The following ARL6IP6 variants were observed in gnomAD, a reference collection of about 807,000 sequenced individuals.
ARL6IP6 encodes the protein ADP-ribosylation factor-like protein 6-interacting protein 6.
A neutral mutation model predicts 21.5 loss-of-function variants in ARL6IP6; 22 were observed. The observed-to-expected ratio is 1.02, with a 90% confidence interval of 0.73 to 1.46. ARL6IP6 has a LOEUF of 1.46. Ranked by LOEUF, ARL6IP6 falls within the 40% of genes most tolerant of loss-of-function variation. The probability of loss-of-function intolerance (pLI) is 0.00; values close to 1 mark genes in which losing one functional copy is unlikely to be tolerated. For synonymous variants in ARL6IP6, 164 were observed against 125.3 expected, an observed-to-expected ratio of 1.31 and a Z score of -2.06; for missense variants, 388 against 299.8, an observed-to-expected ratio of 1.29 and a Z score of -2.17.
At position 152,718,874 on chromosome 2, in the gene ARL6IP6, C is replaced by T. The variant is rs772311392; in HGVS notation, c.250C>T (p.Pro84Ser). The stretch of plus-strand genomic sequence containing the variant: ...GGACGGGAACGGGTCGCCCGTTCTG[C>T]CCGATAAGCGCAATGGTATCTTTCC... ...PPDGNGSPVLPDKRNGIFPAA... is the reference protein window; with the variant it reads ...PPDGNGSPVLSDKRNGIFPAA... The change falls in exon 1 of 4, where the codon CCC becomes TCC. Residue 84 changes from proline (P) to serine (S), a missense_variant. Physicochemically the swap from Pro to Ser is moderately conservative, Grantham distance 74. Transcript: ENST00000326446. 5.6e-6 allele frequency: 9 copies of T among 1,613,614 alleles called. No individual in the cohort carries two copies. Among genetic ancestry groups the T allele is most frequent in the African/African-American group, 5.3e-5 (4 of 74,932 alleles).
Position 152,735,101 on chromosome 2 carries a change from A to C in ARL6IP6, c.562A>C (p.Thr188Pro), listed in dbSNP as rs1700492847. ...TTTTGAACCAGGAATGTTTCCTCCT[A>C]CTCCTCTTTCACCTGCCAGGTTCAA... ...DSFEPGMFPPTPLSPARFKKL... is the reference protein window; with the variant it reads ...DSFEPGMFPPPPLSPARFKKL... The change falls in exon 3 of 4, where the codon ACT (threonine) becomes CCT (proline). Residue 188 changes from threonine (T) to proline (P), a missense_variant. Thr to Pro is a conservative substitution (Grantham distance 38, BLOSUM62 -1). Coordinates refer to ENST00000326446, the MANE Select transcript of ARL6IP6 (RefSeq NM_152522.7). The C allele has an allele frequency of 1.2e-6, 2 of 1,613,248 alleles. No homozygotes were observed. Among genetic ancestry groups the C allele is most frequent in the Non-Finnish European group, 1.7e-6 (2 of 1,179,618 alleles).
upstream of ARL6IP6, chr2:152,718,524 G>C: frequency 2.0e-6 from 3 of 1,470,336 alleles, no homozygotes. Context: ...GGGCTCTGAG[G>C]CCTGGTGGTA....
At chr2:152,744,004 T>C (rs929077025) in intron 3 of ARL6IP6, among the ~76,000 whole-genome samples, 3 of 152,176 alleles carry the variant, frequency 2.0e-5, no homozygotes, top group Non-Finnish European at 4.4e-5. Flanking sequence ...AGAGATTTCT[T>C]ATCCTGAATC....
chr2:152,718,408 A>G (rs1050046369), upstream of ARL6IP6: 27 of 551,046 alleles, frequency 4.9e-5, no homozygotes, highest in African/African-American at 1.8e-4. Flanking sequence ...CTTTCCGGCT[A>G]CAGCCCTGGG....
intron 2 of ARL6IP6, among the ~76,000 whole-genome samples, chr2:152,721,599 C>T (rs4664606): frequency 0.64 from 98,032 of 152,134 alleles, 31,921 homozygotes; most frequent in East Asian, 0.72. Context: ...ACTCTACATT[C>T]GATCACATGA....
intron 3 of ARL6IP6, among the ~76,000 whole-genome samples, chr2:152,747,358 T>C (rs1701103498): frequency 6.6e-6 from 1 of 152,188 alleles, no homozygotes; most frequent in South Asian, 2.1e-4. Flanking sequence ...TGTCTCTTGC[T>C]TCTGCGCATA....
chr2:152,733,064 C>T lies in ARL6IP6; in HGVS notation c.455-1930C>T, dbSNP rs569346632. ...CTCTCCAAGGCTATAAATGACTTTTCCAGTTTTTCCAATGATTGCTTCTAC... is the reference window on the plus strand; with the variant it reads ...CTCTCCAAGGCTATAAATGACTTTTTCAGTTTTTCCAATGATTGCTTCTAC... On this transcript the variant is annotated intron_variant, in intron 2 of 3. Coordinates refer to ENST00000326446, the MANE Select transcript of ARL6IP6 (RefSeq NM_152522.7). Among the ~76,000 whole-genome samples the T allele has an allele frequency of 1.2e-4, 19 of 152,040 alleles. No individual in the cohort carries two copies. The South Asian group carries it at 3.9e-3, about 32-fold the overall frequency.
rs750931397 is a variant in ARL6IP6, at chr2:152,735,118, C to G, written c.579C>G (p.Ala193=). The change falls in exon 3 of 4, where the codon GCC becomes GCG. Residue 193 remains alanine, a synonymous_variant. Coordinates refer to ENST00000326446, the MANE Select transcript of ARL6IP6 (RefSeq NM_152522.7). ...TTCCTCCTACTCCTCTTTCACCTGC[C>G]AGGTTCAAGTAAGTATTCCTGTTTC... ...GMFPPTPLSP[A]RFKKLTGHSF... 6.2e-7 allele frequency: 1 copy of G among 1,613,468 alleles called. No individual in the cohort carries two copies.
chr2:152,721,309 G>A (rs539822457), intron 2 of ARL6IP6, among the ~76,000 whole-genome samples: 19 of 151,732 alleles, frequency 1.3e-4, no homozygotes, highest in African/African-American at 4.6e-4. Flanking sequence ...GTCTTATGTA[G>A]GCTTCAGGAG....
intron 1 of ARL6IP6, among the ~76,000 whole-genome samples, chr2:152,719,396 C>T (rs1699593327): frequency 1.3e-5 from 2 of 152,154 alleles, no homozygotes; most frequent in African/African-American, 4.8e-5. Context: ...TGTTCAATGG[C>T]CTTCATCCAC....
At chr2:152,759,193 T>G (rs1701720191) in intron 3 of ARL6IP6, among the ~76,000 whole-genome samples, 1 of 152,200 alleles carries the variant, frequency 6.6e-6, no homozygotes, top group African/African-American at 2.4e-5. Context: ...GAGATGTGTC[T>G]TTGCTGATTC....
At chr2:152,718,063 G>A (rs1430718644), upstream of ARL6IP6, 2 of 994,712 alleles carry the variant, frequency 2.0e-6, no homozygotes, top group Non-Finnish European at 2.4e-6. Flanking sequence ...TACGGGTGGG[G>A]AGAACCACAC....
intron 3 of ARL6IP6, among the ~76,000 whole-genome samples, chr2:152,740,498 A>G (rs1700756310): frequency 6.6e-6 from 1 of 150,452 alleles, no homozygotes; most frequent in African/African-American, 2.4e-5. Flanking sequence ...TATAAAATAT[A>G]TGTTGTGTAT....
chr2:152,753,854 G>T (rs537750892), intron 3 of ARL6IP6, among the ~76,000 whole-genome samples: 1 of 151,692 alleles, frequency 6.6e-6, no homozygotes, highest in African/African-American at 2.4e-5. Context: ...TCGCCACCAC[G>T]CCACGCCCAG....
intron 3 of ARL6IP6, among the ~76,000 whole-genome samples, chr2:152,753,592 G>C (rs1701436808): frequency 1.3e-5 from 2 of 150,740 alleles, no homozygotes; most frequent in South Asian, 4.2e-4. Flanking sequence ...CTACTACTGA[G>C]ATCTCATTGA....
intron 2 of ARL6IP6, among the ~76,000 whole-genome samples, chr2:152,721,327 A>C (rs1699780443): frequency 6.6e-6 from 1 of 152,000 alleles, no homozygotes. Flanking sequence ...GAGGAATTTA[A>C]GTTCAAATAT....
intron 3 of ARL6IP6, among the ~76,000 whole-genome samples, chr2:152,745,031 A>G (rs373870500): frequency 2.4e-4 from 36 of 152,276 alleles, no homozygotes; most frequent in East Asian, 1.2e-3. Context: ...ATTAGATGCT[A>G]ACATTTGTGT....
intron 2 of ARL6IP6, among the ~76,000 whole-genome samples, 194 bp downstream of exon 2, chr2:152,720,780 A>G (rs1216005301): frequency 2.0e-5 from 3 of 152,156 alleles, no homozygotes; most frequent in Non-Finnish European, 4.4e-5. Context: ...GTATGCATAT[A>G]TGGTATGTTT....
intron 3 of ARL6IP6, among the ~76,000 whole-genome samples, chr2:152,754,646 T>C (rs956585229): frequency 6.6e-6 from 1 of 152,224 alleles, no homozygotes; most frequent in Non-Finnish European, 1.5e-5. Context: ...CCAAACTGTT[T>C]CCTACAGCAG....
Sources: allele counts gnomAD v4.1 joint callset (sites outside exome capture counted in the v4.1 genomes callset), GRCh38; gene constraint gnomAD v4.1.1; transcripts MANE v1.5; gene names NCBI Gene and HGNC (gene_info 2026-07-23, HGNC 2026-07-21).